The following MSH4 variants were observed in gnomAD, a reference collection of about 807,000 sequenced individuals.
The protein encoded by MSH4 is mutS homolog 4.
Under a neutral mutation model 113.7 loss-of-function variants are expected in MSH4, and 106 were observed. That is an observed-to-expected ratio of 0.93 (90% CI 0.80 to 1.10). MSH4 has a LOEUF of 1.10. Ranked by LOEUF, MSH4 falls within the 50% of genes least tolerant of loss-of-function variation. The pLI is 0.00. For synonymous variants in MSH4, 368 were observed against 380.2 expected, an observed-to-expected ratio of 0.97 and a Z score of 0.37; for missense variants, 1,061 against 1,093.7, an observed-to-expected ratio of 0.97 and a Z score of 0.42.
intron 8 of MSH4, 101 bp from the exon 9 acceptor site, chr1:75,867,413 A>T (rs1250028147): frequency 1.4e-6 from 1 of 697,906 alleles, no homozygotes; most frequent in Non-Finnish European, 2.5e-6. Flanking sequence ...ATATATAAAA[A>T]TATATGGGAT....
At chr1:75,844,455 T>C (rs1651034104) in intron 7 of MSH4, among the ~76,000 whole-genome samples, 1 of 152,128 alleles carries the variant, frequency 6.6e-6, no homozygotes, top group Non-Finnish European at 1.5e-5. Flanking sequence ...GCCTCCTGAG[T>C]AGCTGGGACT....
chr1:75,912,435 A>G (rs1652806499), intron 19 of MSH4, among the ~76,000 whole-genome samples: 2 of 152,096 alleles, frequency 1.3e-5, no homozygotes, highest in Admixed American at 1.3e-4. Flanking sequence ...TTTTTCATTG[A>G]AAAGTGATTT....
At position 75,878,996 on chromosome 1, in the gene MSH4, G is replaced by T. The variant is rs1387679720; in HGVS notation, c.1545G>T (p.Met515Ile). 6.2e-7 allele frequency: 1 copy of T among 1,605,000 alleles called. No individual in the cohort carries two copies. Among genetic ancestry groups the T allele is most frequent in the East Asian group, 2.2e-5 (1 of 44,736 alleles). ...YTEIVDDIAG[M>I]ISQLGEKYSL... is the part of the protein sequence containing the mutation. ...TTTCTTGTTTCTGGTCACCAGGAAT[G>T]ATATCACAACTTGGAGAAAAATATA... The change falls in exon 12 of 20, where the codon ATG (methionine) becomes ATT (isoleucine). Residue 515 changes from methionine (M) to isoleucine (I), a missense_variant. Coordinates refer to ENST00000263187, the MANE Select transcript of MSH4 (RefSeq NM_002440.4).
chr1:75,797,500 C>CA (rs1649843501), intron 1 of MSH4, among the ~76,000 whole-genome samples: 1 of 152,160 alleles, frequency 6.6e-6, no homozygotes, highest in African/African-American at 2.4e-5. Flanking sequence ...TGACAAATGA[C>CA]AGTTTGTGCG....
intron 15 of MSH4, among the ~76,000 whole-genome samples, chr1:75,887,828 A>G (rs984529909): frequency 6.6e-6 from 1 of 151,988 alleles, no homozygotes; most frequent in African/African-American, 2.4e-5. Flanking sequence ...GTTTTTAGCC[A>G]GAAAGTTCTG....
intron 7 of MSH4, 25 bp from the exon 8 acceptor site, chr1:75,848,184 A>G (rs560345865): frequency 3.4e-6 from 5 of 1,492,286 alleles, no homozygotes; most frequent in Non-Finnish European, 4.6e-6. Flanking sequence ...AAGTTTAAAT[A>G]CTCACATTTG....
At chr1:75,886,932 C>CTAAG (rs1652137986) in intron 15 of MSH4, among the ~76,000 whole-genome samples, 1 of 150,548 alleles carries the variant, frequency 6.6e-6, no homozygotes, top group African/African-American at 2.4e-5. Flanking sequence ...AAGTTCTGCT[C>CTAAG]TCTGAGGGCA....
At chr1:75,822,005 G>A (rs1650426192) in intron 6 of MSH4, among the ~76,000 whole-genome samples, 1 of 152,144 alleles carries the variant, frequency 6.6e-6, no homozygotes, top group African/African-American at 2.4e-5. Context: ...TTGCTGGCCA[G>A]GCGCGGTGGC....
chr1:75,834,694 A>G (rs920559583), intron 7 of MSH4, among the ~76,000 whole-genome samples: 6 of 152,148 alleles, frequency 3.9e-5, no homozygotes, highest in Admixed American at 1.3e-4. Flanking sequence ...AAAACCAAAC[A>G]CCGCATGTTC....
chr1:75,810,797 A>C lies in MSH4; in HGVS notation c.689A>C (p.Glu230Ala). The C allele has an allele frequency of 6.5e-7, 1 of 1,548,194 alleles. No homozygotes were observed. The highest frequency in any genetic ancestry group is 8.8e-7 in the Non-Finnish European group (1 of 1,136,440). ...NSTKLFTLIT[E>A]NFKNVNFTTI... ...ACCAAGTTGTTCACTCTGATCACAG[A>C]AAATTTCAAGGTAAGTGATGTTTAC... Residue 230 changes from glutamate (E) to alanine (A), a missense_variant, in exon 4 of 20, where the codon GAA becomes GCA. Transcript: ENST00000263187.
chr1:75,899,263 C>G (rs181910728), intron 18 of MSH4, among the ~76,000 whole-genome samples: 118 of 152,196 alleles, frequency 7.8e-4, no homozygotes, highest in African/African-American at 2.7e-3. Flanking sequence ...ATTATCTTCC[C>G]CTGCAAAACT....
intron 11 of MSH4, 39 bp from the exon 12 acceptor site, chr1:75,878,953 T>G: frequency 6.4e-7 from 1 of 1,552,414 alleles, no homozygotes. Flanking sequence ...AATTTATTCA[T>G]TTTGTTTTGT....
chr1:75,822,362 T>C (rs755905867), intron 6 of MSH4, 47 bp from the exon 7 acceptor site: 2 of 1,210,678 alleles, frequency 1.7e-6, no homozygotes, highest in Non-Finnish European at 2.3e-6. Flanking sequence ...TGAAATTTTC[T>C]TGCGTTTTTC....
intron 9 of MSH4, among the ~76,000 whole-genome samples, chr1:75,873,643 T>G (rs1651757813): frequency 6.6e-6 from 1 of 152,074 alleles, no homozygotes; most frequent in Non-Finnish European, 1.5e-5. Flanking sequence ...ACTCCCACTT[T>G]TAAGTGAAAA....
At chr1:75,908,708 G>A (rs943166243) in intron 19 of MSH4, among the ~76,000 whole-genome samples, 5 of 152,064 alleles carry the variant, frequency 3.3e-5, no homozygotes, top group African/African-American at 1.2e-4. Flanking sequence ...TCAGTGTCTC[G>A]CTTGTTGGAC....
chr1:75,876,280 T>C (rs1651816488), intron 9 of MSH4, among the ~76,000 whole-genome samples: 1 of 152,158 alleles, frequency 6.6e-6, no homozygotes, highest in Admixed American at 6.5e-5. Flanking sequence ...AATGTTTATC[T>C]TTGGACAATA....
At chr1:75,847,510 G>A (rs1651099464) in intron 7 of MSH4, among the ~76,000 whole-genome samples, 1 of 152,162 alleles carries the variant, frequency 6.6e-6, no homozygotes, top group Admixed American at 6.5e-5. Context: ...AGAGTTTCAA[G>A]AATGAGGGTA....
intron 7 of MSH4, among the ~76,000 whole-genome samples, chr1:75,830,170 A>G (rs1451627491): frequency 6.6e-6 from 1 of 152,182 alleles, no homozygotes; most frequent in Non-Finnish European, 1.5e-5. Flanking sequence ...GATTTGATCA[A>G]GTGGAAGAAA....
intron 19 of MSH4, among the ~76,000 whole-genome samples, chr1:75,903,939 G>T (rs937356801): frequency 2.6e-5 from 4 of 152,024 alleles, no homozygotes; most frequent in African/African-American, 9.7e-5. Context: ...TCCCTGTTTT[G>T]TTCCAGAAGT....
Sources: gnomAD v4.1 joint callset for allele counts (sites outside exome capture counted in the v4.1 genomes callset) on GRCh38, gnomAD v4.1.1 for gene constraint, MANE v1.5 for transcripts, NCBI Gene and HGNC (gene_info 2026-07-23, HGNC 2026-07-21) for gene names.